PSMG2: variants seen among roughly 807,000 people sequenced by gnomAD.
PSMG2 encodes the protein proteasome assembly chaperone 2, also known as CD40 ligand-activated specific transcript 3.
PSMG2 carries 21 observed loss-of-function variants against 31.5 expected under a neutral mutation model. That is an observed-to-expected ratio of 0.67 (90% CI 0.47 to 0.96). The LOEUF (loss-of-function observed/expected upper bound fraction) is 0.96, where lower values mean the gene tolerates loss of function less well. Ranked by LOEUF, PSMG2 falls within the 40% of genes least tolerant of loss-of-function variation. The probability of loss-of-function intolerance (pLI) is 0.00; values close to 1 mark genes in which losing one functional copy is unlikely to be tolerated. For missense variants in PSMG2, 318 were observed against 321.2 expected (o/e 0.99, Z 0.08); for synonymous variants, 120 against 110.4 (o/e 1.09, Z -0.54).
intron 1 of PSMG2, among the ~76,000 whole-genome samples, chr18:12,660,043 C>G (rs1197169904): frequency 2.0e-5 from 3 of 152,194 alleles, no homozygotes; most frequent in Non-Finnish European, 4.4e-5. Flanking sequence ...ACTACCACCT[C>G]CTGGCCTTAT....
intron 1 of PSMG2, among the ~76,000 whole-genome samples, chr18:12,705,842 A>C (rs1212385678): frequency 1.3e-5 from 2 of 152,204 alleles, no homozygotes. Flanking sequence ...TTAAAATTGC[A>C]ATCAACCATG....
At chr18:12,709,988 T>A (rs1374323790) in intron 2 of PSMG2, among the ~76,000 whole-genome samples, 1 of 145,080 alleles carries the variant, frequency 6.9e-6, no homozygotes. Context: ...TGTCGCCCAG[T>A]CTGGAGTGCG....
chr18:12,716,881 C>T (rs2040381375), intron 3 of PSMG2, among the ~76,000 whole-genome samples: 1 of 151,304 alleles, frequency 6.6e-6, no homozygotes, highest in South Asian at 2.1e-4. Flanking sequence ...GACACATGAT[C>T]TTAGGGAGGC....
intron 1 of PSMG2, among the ~76,000 whole-genome samples, chr18:12,671,671 CAG>C (rs1366891928): frequency 9.9e-5 from 10 of 101,490 alleles, no homozygotes; most frequent in African/African-American, 3.9e-4. Flanking sequence ...TTTTTTGAGA[CAG>C]AGTCTTGCTC....
At chr18:12,713,767 C>CTT (rs1165889750) in intron 3 of PSMG2, among the ~76,000 whole-genome samples, 6 of 145,714 alleles carry the variant, frequency 4.1e-5, no homozygotes, top group African/African-American at 5.0e-5. Flanking sequence ...TAATTTCTTT[C>CTT]TTTTTTTTTT....
intron 1 of PSMG2, among the ~76,000 whole-genome samples, chr18:12,681,161 G>A (rs1330551029): frequency 1.4e-5 from 2 of 147,000 alleles, no homozygotes; most frequent in Non-Finnish European, 3.0e-5. Flanking sequence ...TCGCGCCACT[G>A]CATTCCAGCC....
chr18:12,713,914 C>T (rs894675611), intron 3 of PSMG2, among the ~76,000 whole-genome samples: 1 of 152,048 alleles, frequency 6.6e-6, no homozygotes, highest in Non-Finnish European at 1.5e-5. Context: ...ACCACACTGG[C>T]TAATTTTTGT....
At chr18:12,699,934 CA>C (rs1598667843), upstream of PSMG2, 1 of 1,431,558 alleles carries the variant, frequency 7.0e-7, no homozygotes, top group Non-Finnish European at 9.5e-7. Flanking sequence ...AAAATCAAAA[CA>C]AATTAGAAAA....
At chr18:12,666,599 TG>T (rs2038808739) in intron 1 of PSMG2, among the ~76,000 whole-genome samples, 1 of 151,918 alleles carries the variant, frequency 6.6e-6, no homozygotes, top group Admixed American at 6.6e-5. Flanking sequence ...GCACCATGCC[TG>T]GTTGTTGTTG....
intron 1 of PSMG2, among the ~76,000 whole-genome samples, chr18:12,695,596 A>G (rs1409917550): frequency 6.6e-6 from 1 of 152,044 alleles, no homozygotes; most frequent in Admixed American, 6.6e-5. Context: ...CTTTAAGTAG[A>G]GATGGGGTCT....
intron 1 of PSMG2, among the ~76,000 whole-genome samples, chr18:12,704,313 T>C (rs992599394): frequency 2.0e-5 from 3 of 152,132 alleles, no homozygotes; most frequent in Non-Finnish European, 4.4e-5. Flanking sequence ...GAGACAGGCA[T>C]GATGGCTCAT....
At chr18:12,697,127 C>T (rs1165217973) in intron 1 of PSMG2, 3 of 872,580 alleles carry the variant, frequency 3.4e-6, no homozygotes, top group African/African-American at 1.7e-5. Context: ...TACAGGTTTC[C>T]CTCTTGGATT....
chr18:12,724,315 A>G lies in PSMG2; in HGVS notation c.582-184A>G, dbSNP rs1472098295. The G allele has an allele frequency of 1.1e-5, 6 of 532,338 alleles. No individual in the cohort carries two copies. In the East Asian group the frequency reaches 1.3e-4, roughly 12 times the overall value. 33.0% of individuals were successfully genotyped at this position (532,338 alleles called of 1,614,324 possible). ...GTGCGTGTTCCCCAGTGGGTGTTAC[A>G]GGGGCCTGCTCTCACAAGTAGAAAA... On this transcript the variant is annotated intron_variant, in intron 5 of 6. Transcript: ENST00000317615.
chr18:12,679,673 T>G (rs948271372), intron 1 of PSMG2, among the ~76,000 whole-genome samples: 2 of 152,186 alleles, frequency 1.3e-5, no homozygotes, highest in African/African-American at 4.8e-5. Context: ...TCCAGTGGAT[T>G]TGCCAACGTG....
At chr18:12,672,745 T>G in intron 1 of PSMG2, 2 of 971,430 alleles carry the variant, frequency 2.1e-6, no homozygotes, top group Non-Finnish European at 2.4e-6. Flanking sequence ...TTCTAAATGA[T>G]TCATGTACTT....
intron 1 of PSMG2, chr18:12,685,249 C>T (rs777449775): frequency 6.6e-6 from 1 of 152,178 alleles, no homozygotes; most frequent in Non-Finnish European, 1.5e-5. Context: ...ATCCACCCAC[C>T]TCTGCCTCCC....
intron 1 of PSMG2, among the ~76,000 whole-genome samples, chr18:12,681,064 T>C (rs1346334383): frequency 1.3e-5 from 2 of 151,732 alleles, no homozygotes; most frequent in Admixed American, 6.6e-5. Flanking sequence ...CCGGGTGTGG[T>C]AGCACACACC....
chr18:12,673,371 T>C, intron 1 of PSMG2: 1 of 1,606,040 alleles, frequency 6.2e-7, no homozygotes, highest in Non-Finnish European at 8.5e-7. Flanking sequence ...GGCCCTATAA[T>C]ACCGAGCGAT....
In PSMG2 at chr18:12,720,460, C is replaced by T. The variant is rs370097195; in HGVS notation, c.408-50C>T. On this transcript the variant is annotated intron_variant, in intron 4 of 6. Transcript: ENST00000317615. ...ACCAAGAGAATTTTAGCTAAAGAAC[C>T]GATGTTTGCTTTAGAGTTTTTAAAA... 1.1e-4 allele frequency: 149 copies of T among 1,396,766 alleles called. 1 individual carries two copies. In the African/African-American group the frequency reaches 1.7e-3, roughly 16 times the overall value. 86.5% of individuals were successfully genotyped at this position (1,396,766 alleles called of 1,614,324 possible).
Sources: allele counts gnomAD v4.1 joint callset (sites outside exome capture counted in the v4.1 genomes callset), GRCh38; gene constraint gnomAD v4.1.1; transcripts MANE v1.5; gene names NCBI Gene and HGNC (gene_info 2026-07-23, HGNC 2026-07-21).